The following PRIM2 variants were observed in gnomAD, a reference collection of about 807,000 sequenced individuals.
The protein encoded by PRIM2 is DNA primase subunit 2.
PRIM2 carries 39 observed loss-of-function variants against 67.3 expected under a neutral mutation model. The ratio of observed to expected loss-of-function variants is 0.58; its 90% CI spans 0.45 to 0.76. PRIM2 has a LOEUF of 0.76. Ranked by LOEUF, PRIM2 falls within the 30% of genes least tolerant of loss-of-function variation. The pLI is 0.00. For missense variants in PRIM2, 398 were observed against 598.7 expected (o/e 0.66, Z 3.50); for synonymous variants, 143 against 198.7 (o/e 0.72, Z 2.36).
chr6:57,279,336 G>T, the PRIM2 span, among the ~76,000 whole-genome samples: 8 of 152,120 alleles, frequency 5.3e-5, 1 homozygote, highest in African/African-American at 9.7e-5. Context: ...GGAAATTTCT[G>T]CTTCACACCC....
the PRIM2 span, among the ~76,000 whole-genome samples, chr6:57,276,832 T>C: frequency 6.6e-6 from 1 of 151,454 alleles, no homozygotes; most frequent in Non-Finnish European, 1.5e-5. Context: ...GAGGCTGCCA[T>C]GAACCAGGGT....
At chr6:57,627,489 A>G (rs1776971347) in intron 12 of PRIM2, among the ~76,000 whole-genome samples, 1 of 150,888 alleles carries the variant, frequency 6.6e-6, no homozygotes, top group Non-Finnish European at 1.5e-5. Flanking sequence ...CCCGGGTTCA[A>G]GCGATTCTCC....
chr6:57,369,758 T>A (rs1581835271), intron 5 of PRIM2, among the ~76,000 whole-genome samples: 1 of 152,234 alleles, frequency 6.6e-6, no homozygotes, highest in East Asian at 1.9e-4. Context: ...CTGGCTTTTA[T>A]CAGTTATTTT....
Position 57,540,290 on chromosome 6 carries a change from C to G in PRIM2, c.1020+2665C>G, listed in dbSNP as rs1421486195. ...ACATACACACACTCACACACACACA[C>G]AGCGAGAGAGAGAGAGAGAGATGGG... On this transcript the variant is annotated intron_variant, in intron 10 of 13. Coordinates refer to ENST00000615550, the MANE Select transcript of PRIM2 (RefSeq NM_000947.5). Among the ~76,000 whole-genome samples the G allele has an allele frequency of 1.4e-3, 208 of 151,978 alleles. 5 individuals carry two copies. The East Asian group carries it at 0.018, about 13-fold the overall frequency.
intron 5 of PRIM2, among the ~76,000 whole-genome samples, chr6:57,341,271 C>T (rs1010641504): frequency 5.9e-5 from 9 of 152,014 alleles, no homozygotes; most frequent in East Asian, 1.9e-4. Flanking sequence ...TTTATTAGAA[C>T]GTCGGTGGAG....
At chr6:57,592,563 G>T (rs1776299896) in intron 10 of PRIM2, among the ~76,000 whole-genome samples, 2 of 152,192 alleles carry the variant, frequency 1.3e-5, no homozygotes, top group Non-Finnish European at 2.9e-5. Flanking sequence ...GGGAGGCTGA[G>T]GTGGGTGGAT....
At chr6:57,361,246 C>T (rs553813845) in intron 5 of PRIM2, among the ~76,000 whole-genome samples, 1 of 152,270 alleles carries the variant, frequency 6.6e-6, no homozygotes, top group East Asian at 1.9e-4. Context: ...TCTAGTGTTA[C>T]AGCACTTATA....
At chr6:57,405,653 A>C (rs1361966597) in intron 7 of PRIM2, among the ~76,000 whole-genome samples, 1 of 137,278 alleles carries the variant, frequency 7.3e-6, no homozygotes, top group Non-Finnish European at 1.6e-5. Context: ...GTGTGGTTTA[A>C]CTTTCTTTTA....
rs1284108199 is a variant in PRIM2 at position 57,453,678 on chromosome 6, G to GGCAACCCC, written c.694-53709_694-53708insGCAACCCC. ...CCGAAGTTGCCTATCAGCTTAAGGA[G>GGCAACCCC]ATTTTGGGCTGAGACAATGGGGTTT... On this transcript the variant is annotated intron_variant, in intron 7 of 13. Coordinates refer to ENST00000615550, the MANE Select transcript of PRIM2 (RefSeq NM_000947.5). Among the ~76,000 whole-genome samples, 16 of 152,330 alleles carry GGCAACCCC rather than the reference G, an allele frequency of 1.1e-4. No individual in the cohort carries two copies. In the East Asian group the frequency reaches 1.3e-3, roughly 13 times the overall value.
At chr6:57,251,746 G>T in the PRIM2 span, among the ~76,000 whole-genome samples, 1 of 152,150 alleles carries the variant, frequency 6.6e-6, no homozygotes, top group Non-Finnish European at 1.5e-5. Flanking sequence ...TATATTTGAA[G>T]AAAATCATCC....
At chr6:57,256,714 T>TCACACACACACA in the PRIM2 span, among the ~76,000 whole-genome samples, 53 of 134,482 alleles carry the variant, frequency 3.9e-4, no homozygotes, top group East Asian at 1.2e-3. Context: ...TCTCTCACTT[T>TCACACACACACA]CACACACACA....
At chr6:57,408,776 A>G (rs1161731272) in intron 7 of PRIM2, among the ~76,000 whole-genome samples, 1 of 151,958 alleles carries the variant, frequency 6.6e-6, no homozygotes, top group Non-Finnish European at 1.5e-5. Context: ...CTGTGGTGAA[A>G]TCATAGCTCA....
At chr6:57,583,661 C>A (rs1198589128) in intron 10 of PRIM2, among the ~76,000 whole-genome samples, 1 of 151,964 alleles carries the variant, frequency 6.6e-6, no homozygotes, top group Non-Finnish European at 1.5e-5. Context: ...TTTATAGCAG[C>A]ATGATTTATA....
chr6:57,515,369 CAT>C, intron 8 of PRIM2, among the ~76,000 whole-genome samples: 1 of 152,280 alleles, frequency 6.6e-6, no homozygotes, highest in East Asian at 1.9e-4. Flanking sequence ...GGAATTGCAA[CAT>C]AGATGTTTTC....
At chr6:57,641,102 G>C (rs1777225450) in intron 13 of PRIM2, among the ~76,000 whole-genome samples, 1 of 152,016 alleles carries the variant, frequency 6.6e-6, no homozygotes, top group African/African-American at 2.4e-5. Flanking sequence ...ACAACCTTCT[G>C]CTTGTTGACA....
At chr6:57,600,839 G>A (rs1407196099) in intron 10 of PRIM2, among the ~76,000 whole-genome samples, 4 of 152,264 alleles carry the variant, frequency 2.6e-5, no homozygotes, top group African/African-American at 4.8e-5. Flanking sequence ...ATCTTTAAAC[G>A]TATAGGTAAC....
At position 57,379,796 on chromosome 6, in the gene PRIM2, A is replaced by C. The variant is rs562213634; in HGVS notation, c.460-105A>C. 8.9e-5 allele frequency: 91 copies of C among 1,020,244 alleles called. No homozygotes were observed. In the South Asian group the frequency reaches 1.6e-3, roughly 18 times the overall value. The allele number at this position is 1,020,244 out of a possible 1,614,324, so 63.2% of individuals were successfully genotyped here. A position where few individuals can be genotyped will look rare whatever the true frequency, so the allele number is the denominator to read the frequency against. On this transcript the variant is annotated intron_variant, in intron 5 of 13. Coordinates refer to ENST00000615550, the MANE Select transcript of PRIM2 (RefSeq NM_000947.5). The stretch of plus-strand genomic sequence containing the variant: ...ATGATTTGAGATATCAAGGTTTTAA[A>C]ATTTTTAATAAAAGTAAACAGTATT...
At chr6:57,595,975 C>T (rs1776358585) in intron 10 of PRIM2, among the ~76,000 whole-genome samples, 1 of 151,980 alleles carries the variant, frequency 6.6e-6, no homozygotes, top group South Asian at 2.1e-4. Flanking sequence ...TGACCAGCCC[C>T]CATCTAGGAG....
intron 10 of PRIM2, among the ~76,000 whole-genome samples, chr6:57,544,967 G>T (rs1428078509): frequency 6.6e-6 from 1 of 151,988 alleles, no homozygotes; most frequent in Non-Finnish European, 1.5e-5. Context: ...TTAAAGTTTA[G>T]CTTTCGATAT....
Sources: allele counts gnomAD v4.1 joint callset (sites outside exome capture counted in the v4.1 genomes callset), GRCh38; gene constraint gnomAD v4.1.1; transcripts MANE v1.5; gene names NCBI Gene and HGNC (gene_info 2026-07-23, HGNC 2026-07-21).